ARMC9: variants seen among roughly 807,000 people sequenced by gnomAD.
The protein encoded by ARMC9 is armadillo repeat containing 9.
A neutral mutation model predicts 107.0 loss-of-function variants in ARMC9; 94 were observed. The observed-to-expected ratio is 0.88, with a 90% CI of 0.74 to 1.04. The LOEUF is 1.04. Ranked by LOEUF, ARMC9 falls within the 50% of genes least tolerant of loss-of-function variation. The pLI, the probability that ARMC9 is intolerant of heterozygous loss-of-function variation, is 0.00. For missense variants in ARMC9, 942 were observed against 1,030.1 expected, an observed-to-expected ratio of 0.91 and a Z score of 1.17; for synonymous variants, 380 against 396.9, an observed-to-expected ratio of 0.96 and a Z score of 0.51.
intron 20 of ARMC9, among the ~76,000 whole-genome samples, chr2:231,338,032 G>A (rs2044247640): frequency 6.6e-6 from 1 of 152,142 alleles, no homozygotes; most frequent in South Asian, 2.1e-4. Flanking sequence ...GGTGGGGGCT[G>A]TCAGAGCCCA....
intron 20 of ARMC9, among the ~76,000 whole-genome samples, chr2:231,334,758 A>G (rs146623757): frequency 6.6e-6 from 1 of 152,092 alleles, no homozygotes; most frequent in Non-Finnish European, 1.5e-5. Context: ...GTGATCTGAC[A>G]TTGCCAGCCT....
chr2:231,255,007 G>T lies in ARMC9; in HGVS notation c.880-1579G>T, dbSNP rs974589494. Among the ~76,000 whole-genome samples the T allele has an allele frequency of 6.6e-5, 10 of 152,050 alleles. No individual in the cohort carries two copies. The highest frequency in any genetic ancestry group is 1.2e-4 in the Non-Finnish European group (8 of 68,030). ...AAATACAGTTAACACTAATTCCTTA[G>T]TATCTAATACCAGTCCACTCCATAT... is the stretch of plus-strand genomic sequence containing the variant. On this transcript the variant is annotated intron_variant, in intron 9 of 24. Transcript: ENST00000611582. The surrounding 1 kb of genome is among the most constrained non-coding windows in gnomAD (Gnocchi z 4.7).
chr2:231,262,251 A>G, intron 11 of ARMC9, 55 bp from the exon 12 acceptor site: 1 of 1,549,416 alleles, frequency 6.5e-7, no homozygotes, highest in African/African-American at 1.4e-5. Context: ...GCTATGAGAA[A>G]CTTTTCTCCA....
chr2:231,351,372 G>A (rs754708858), intron 21 of ARMC9, among the ~76,000 whole-genome samples: 10 of 152,066 alleles, frequency 6.6e-5, no homozygotes, highest in Non-Finnish European at 8.8e-5. Context: ...CCCTGTACTC[G>A]CTCCCTCTGG....
chr2:231,370,268 C>A, intron 24 of ARMC9, 143 bp downstream of exon 24: 1 of 962,766 alleles, frequency 1.0e-6, no homozygotes, highest in Non-Finnish European at 1.4e-6. Flanking sequence ...TTCCCTTCCC[C>A]ACACAACCAG....
chr2:231,337,458 G>A (rs1382801822), intron 20 of ARMC9, among the ~76,000 whole-genome samples: 12 of 144,504 alleles, frequency 8.3e-5, no homozygotes, highest in Admixed American at 7.5e-4. Flanking sequence ...CACCACGCCC[G>A]GCTAATTTTT....
chr2:231,265,981 G>A (rs1008820694), intron 12 of ARMC9, among the ~76,000 whole-genome samples: 2 of 147,746 alleles, frequency 1.4e-5, no homozygotes, highest in Non-Finnish European at 3.0e-5. Context: ...CTGGGCAGCA[G>A]ACTGAGACGC....
At chr2:231,219,668 A>G (rs2033900457) in intron 5 of ARMC9, among the ~76,000 whole-genome samples, 1 of 152,092 alleles carries the variant, frequency 6.6e-6, no homozygotes, top group African/African-American at 2.4e-5. Context: ...TGTGTCTTTC[A>G]ACAACTCTGA....
chr2:231,329,056 C>G (rs752922809), intron 19 of ARMC9, among the ~76,000 whole-genome samples: 3 of 151,768 alleles, frequency 2.0e-5, no homozygotes, highest in Non-Finnish European at 4.4e-5. Flanking sequence ...CTCCTGACCT[C>G]ATGGTCCACC....
At chr2:231,261,568 C>T (rs2038344343) in intron 11 of ARMC9, among the ~76,000 whole-genome samples, 1 of 152,180 alleles carries the variant, frequency 6.6e-6, no homozygotes, top group Admixed American at 6.5e-5. Flanking sequence ...CTCCACTGTG[C>T]CCTGTATTAT....
intron 7 of ARMC9, among the ~76,000 whole-genome samples, chr2:231,234,778 A>G (rs1264849135): frequency 6.6e-6 from 1 of 151,874 alleles, no homozygotes; most frequent in Admixed American, 6.6e-5. Context: ...AAATTTTTGT[A>G]TTTTTTTAGT....
At chr2:231,294,069 C>G (rs976774956) in intron 18 of ARMC9, 5 of 151,784 alleles carry the variant, frequency 3.3e-5, no homozygotes, top group Non-Finnish European at 7.4e-5. Flanking sequence ...TTGAAAACAT[C>G]TCTGTGGGTT....
rs61380560 is a variant in ARMC9, at chr2:231,223,302, C to T, written c.597+482C>T. Among the ~76,000 whole-genome samples the T allele has an allele frequency of 5.2e-3, 799 of 152,222 alleles. 10 individuals are homozygous for T. Among genetic ancestry groups the T allele is most frequent in the Middle Eastern group, 0.017 (5 of 294 alleles). ...GTACAATTTAATGCTTTTTGGCAAA[C>T]GTACAGAGCTGTGCAGTATCACCAC... On this transcript the variant is annotated intron_variant, in intron 6 of 24. Transcript: ENST00000611582.
chr2:231,222,569 A>G (rs2034252841), intron 5 of ARMC9, among the ~76,000 whole-genome samples, 159 bp from the exon 6 acceptor site: 1 of 152,228 alleles, frequency 6.6e-6, no homozygotes, highest in African/African-American at 2.4e-5. Flanking sequence ...TGAGTTGGTC[A>G]GATGTCCTAA....
intron 9 of ARMC9, among the ~76,000 whole-genome samples, chr2:231,243,229 A>T (rs550895569): frequency 1.3e-4 from 19 of 150,152 alleles, no homozygotes; most frequent in Non-Finnish European, 1.2e-4. Context: ...CCTGGGTGAC[A>T]GAGCAAGACT....
chr2:231,239,998 G>A lies in ARMC9; in HGVS notation c.836G>A (p.Arg279Gln), dbSNP rs758860393. 43 of 1,613,686 alleles carry A rather than the reference G, an allele frequency of 2.7e-5. 1 individual carries two copies. Among genetic ancestry groups the A allele is most frequent in the South Asian group, 2.0e-4 (18 of 90,990 alleles). The stretch of plus-strand genomic sequence containing the variant: ...GTCCGCCTGTTCAGTAACCAGATGC[G>A]GCAGAGCCTGGCGCATAGTGTGGAC... ...VCVRLFSNQM[R>Q]QSLAHSVDFT... Residue 279 changes from arginine (R) to glutamine (Q), a missense_variant, in exon 9 of 25, where the codon CGG (arginine) becomes CAG (glutamine). By Grantham distance (43) the Arg-to-Gln change is conservative. Transcript: ENST00000611582.
chr2:231,350,059 C>G (rs13008218), intron 21 of ARMC9, among the ~76,000 whole-genome samples: 1 of 151,888 alleles, frequency 6.6e-6, no homozygotes, highest in Non-Finnish European at 1.5e-5. Flanking sequence ...GGAAGTCTTG[C>G]TCTGTTGCCC....
intron 12 of ARMC9, among the ~76,000 whole-genome samples, chr2:231,265,427 G>A (rs1171159982): frequency 6.6e-6 from 1 of 152,212 alleles, no homozygotes; most frequent in Admixed American, 6.5e-5. Flanking sequence ...AAAAAGGAAT[G>A]AAATAATGTC....
At chr2:231,256,130 G>C (rs979667214) in intron 9 of ARMC9, 1 of 1,549,070 alleles carries the variant, frequency 6.5e-7, no homozygotes, top group Non-Finnish European at 8.7e-7. Flanking sequence ...TATCAAGCTG[G>C]CCAGGGTCAC....
Sources: gnomAD v4.1 joint callset for allele counts (sites outside exome capture counted in the v4.1 genomes callset) on GRCh38, gnomAD v4.1.1 for gene constraint, Gnocchi (gnomAD v3.1) non-coding constraint, MANE v1.5 for transcripts, NCBI Gene and HGNC (gene_info 2026-07-23, HGNC 2026-07-21) for gene names.